The following CCDC175 variants were observed in gnomAD, a reference collection of about 807,000 sequenced individuals.
CCDC175 encodes coiled-coil domain containing 175.
In CCDC175, 100 loss-of-function variants were observed where a neutral mutation model predicts 114.6. That is an observed-to-expected ratio of 0.87 (90% confidence interval 0.74 to 1.03). The LOEUF (loss-of-function observed/expected upper bound fraction) is 1.03. CCDC175 is among the 50% of genes least tolerant of loss of function. CCDC175 has a pLI of 0.00. For synonymous variants in CCDC175, 306 were observed against 308.7 expected, an observed-to-expected ratio of 0.99 and a Z score of 0.09; for missense variants, 880 against 917.8, an observed-to-expected ratio of 0.96 and a Z score of 0.53.
intron 17 of CCDC175, among the ~76,000 whole-genome samples, chr14:59,513,040 T>C (rs1892842643): frequency 6.6e-6 from 1 of 152,206 alleles, no homozygotes; most frequent in South Asian, 2.1e-4. Context: ...CACATAAAAT[T>C]GATTTTTGAA....
At position 59,510,737 on chromosome 14, in the gene CCDC175, A is replaced by G. The variant is rs1892691336; in HGVS notation, c.2214T>C (p.Asp738=). Residue 738 remains aspartate, a synonymous_variant, in exon 19 of 20, where the codon GAT becomes GAC. Coordinates refer to ENST00000537690, the MANE Select transcript of CCDC175 (RefSeq NM_001164399.2). The part of the protein sequence containing the change: ...NNLTDKLRER[D]EKMQHVSTWL... ...ATGTACTGACATGCTGCATTTTTTC[A>G]TCTCTTTCACGCAGCTTGTCTGTTA... 6 of 1,537,148 alleles carry G rather than the reference A, an allele frequency of 3.9e-6. No individual in the cohort carries two copies. The highest frequency in any genetic ancestry group is 1.2e-5 in the South Asian group (1 of 84,058).
In CCDC175 at chr14:59,538,058, CT is replaced by C. The variant is rs1894519035; in HGVS notation, c.1587del (p.Glu530LysfsTer4). ...CTTAACTCTTTCATTAACATTTTTTCTTTGTTAACAAATGCTTTCTCCTCTT... is the reference window on the plus strand; with the variant it reads ...CTTAACTCTTTCATTAACATTTTTTCTTGTTAACAAATGCTTTCTCCTCTT... Reference protein sequence around the residue: ...LKEEEKAFVNKEKMLMKELSK... With the variant: ...LKEEEKAFVNXEKMLMKELSK... On this transcript the variant is annotated frameshift_variant, in exon 13 of 20. Transcript: ENST00000537690. LOFTEE classifies it high-confidence loss of function. 6.5e-7 allele frequency: 1 copy of C among 1,529,156 alleles called. No individual in the cohort carries two copies. Among genetic ancestry groups the C allele is most frequent in the African/African-American group, 1.4e-5 (1 of 72,734 alleles). The allele number at this position is 1,529,156 out of a possible 1,614,324, so 94.7% of individuals were successfully genotyped here. A position where few individuals can be genotyped will look rare whatever the true frequency, so the allele number is the denominator to read the frequency against.
Position 59,576,794 on chromosome 14 carries a change from C to A in CCDC175, c.-19G>T, listed in dbSNP as rs1382161418. On this transcript the variant is annotated 5_prime_UTR_variant, in exon 1 of 20. Transcript: ENST00000537690. ...GGGCCATTTTGCCGCTCTACTTGAG[C>A]GCCTCCTAAGCCAGAGCCAAGGATT... 1.4e-6 allele frequency: 2 copies of A among 1,426,920 alleles called. No individual in the cohort carries two copies. The highest frequency in any genetic ancestry group is 1.8e-6 in the Non-Finnish European group (2 of 1,101,260). 88.4% of individuals were successfully genotyped at this position (1,426,920 alleles called of 1,614,324 possible).
At chr14:59,518,575 C>G (rs1013666564) in intron 17 of CCDC175, among the ~76,000 whole-genome samples, 2 of 152,248 alleles carry the variant, frequency 1.3e-5, no homozygotes, top group African/African-American at 4.8e-5. Flanking sequence ...AAATGCTCAT[C>G]ATCACTGGAC....
rs1894505830 is a variant in CCDC175, at chr14:59,537,907, C to CGT, written c.1623+115_1623+116insAC. 3 of 661,796 alleles carry CGT rather than the reference C, an allele frequency of 4.5e-6. No individual in the cohort carries two copies. The African/African-American group carries it at 5.6e-5, about 12-fold the overall frequency. The allele number at this position is 661,796 out of a possible 1,614,324, so 41.0% of individuals were successfully genotyped here. On this transcript the variant is annotated intron_variant, in intron 13 of 19. Transcript: ENST00000537690. ...AAGATCCAGAATGAAATTGTAGCCT[C>CGT]TTTCATACTAGAATATTTATTTTAC...
At chr14:59,517,557 A>T (rs1310998916) in intron 17 of CCDC175, among the ~76,000 whole-genome samples, 2 of 152,158 alleles carry the variant, frequency 1.3e-5, no homozygotes, top group South Asian at 4.1e-4. Context: ...TCGTGAGTGA[A>T]CTCCCATTCA....
In CCDC175 at chr14:59,522,337, T is replaced by C. The variant is rs567247099; in HGVS notation, c.1996-661A>G. On this transcript the variant is annotated intron_variant, in intron 16 of 19. Coordinates refer to ENST00000537690, the MANE Select transcript of CCDC175 (RefSeq NM_001164399.2). ...TTGAAATTGTGTTCAGTGCTACAGA[T>C]GAGGTAGACATGGGACTGTTACGTA... Among the ~76,000 whole-genome samples, 37 of 152,312 alleles carry C rather than the reference T, an allele frequency of 2.4e-4. 1 individual carries two copies. Among genetic ancestry groups the C allele is most frequent in the Middle Eastern group, 6.8e-3 (2 of 294 alleles).
chr14:59,553,427 CA>C (rs1047504080), intron 7 of CCDC175, among the ~76,000 whole-genome samples: 1 of 152,176 alleles, frequency 6.6e-6, no homozygotes, highest in African/African-American at 2.4e-5. Flanking sequence ...GAGATTTTGT[CA>C]CCACCAGGCC....
intron 8 of CCDC175, among the ~76,000 whole-genome samples, chr14:59,546,956 T>C (rs1252551061): frequency 6.6e-6 from 1 of 152,116 alleles, no homozygotes; most frequent in Non-Finnish European, 1.5e-5. Context: ...AAATCTACTA[T>C]AGGCCAGGTG....
chr14:59,525,388 T>A lies in CCDC175; in HGVS notation c.1889A>T (p.Lys630Ile), dbSNP rs1893683171. The A allele has an allele frequency of 6.6e-7, 1 of 1,521,686 alleles. No homozygotes were observed. 94.3% of individuals were successfully genotyped at this position (1,521,686 alleles called of 1,614,324 possible). A position where few individuals can be genotyped will look rare whatever the true frequency, so the allele number is the denominator to read the frequency against. Residue 630 changes from lysine to isoleucine, a missense_variant, in exon 16 of 20, where the codon AAA (lysine) becomes ATA (isoleucine). Lys to Ile is a moderately radical substitution (Grantham distance 102, BLOSUM62 -3). Coordinates refer to ENST00000537690, the MANE Select transcript of CCDC175 (RefSeq NM_001164399.2). The stretch of plus-strand genomic sequence containing the variant: ...AGTTTCAAAATGATCTTTGTTTTTT[T>A]TGCTTTCTTGATCTCGTAATTGTTG... ...ELQQLRDQES[K>I]KNKDHFETLK...
chr14:59,528,664 T>C (rs887411005), intron 14 of CCDC175, among the ~76,000 whole-genome samples: 1 of 152,162 alleles, frequency 6.6e-6, no homozygotes, highest in Non-Finnish European at 1.5e-5. Flanking sequence ...GTAAGCATTA[T>C]TCACTGATTT....
intron 7 of CCDC175, among the ~76,000 whole-genome samples, chr14:59,552,492 G>C (rs1218565227): frequency 6.6e-6 from 1 of 152,032 alleles, no homozygotes; most frequent in Non-Finnish European, 1.5e-5. Context: ...ATAGACCAAA[G>C]GTAGATAAAA....
At position 59,511,818 on chromosome 14, in the gene CCDC175, TA is replaced by T; in HGVS notation, c.2099-16del. ...CTTATATTGTGCTAAAATAAAGATT[TA>T]AAAAATACAATGGTTACTGACACAA... On this transcript the variant is annotated splice_polypyrimidine_tract_variant and intron_variant, in intron 17 of 19. Transcript: ENST00000537690. 1 of 1,511,004 alleles carries T rather than the reference TA, an allele frequency of 6.6e-7. No homozygotes were observed. Among genetic ancestry groups the T allele is most frequent in the Non-Finnish European group, 8.9e-7 (1 of 1,123,578 alleles). The allele number at this position is 1,511,004 out of a possible 1,614,324, so 93.6% of individuals were successfully genotyped here.
At position 59,559,378 on chromosome 14, in the gene CCDC175, T is replaced by C. The variant is rs144200875; in HGVS notation, c.953+1741A>G. Among the ~76,000 whole-genome samples, 8 of 152,276 alleles carry C rather than the reference T, an allele frequency of 5.3e-5. No homozygotes were observed. In the East Asian group the frequency reaches 1.3e-3, roughly 26 times the overall value. On this transcript the variant is annotated intron_variant, in intron 7 of 19. Transcript: ENST00000537690. ...TGCCTCCTGTCGATCTATGGAGCAT[T>C]TGAGTTACTCTTATTTGTCCAAACG...
chr14:59,543,289 A>T, intron 10 of CCDC175, 55 bp downstream of exon 10: 1 of 634,134 alleles, frequency 1.6e-6, no homozygotes, highest in Non-Finnish European at 2.6e-6. Flanking sequence ...ATCATTTATT[A>T]AAAAATAAAT....
chr14:59,510,481 A>C (rs1892677015), intron 19 of CCDC175, 165 bp downstream of exon 19: 1 of 706,932 alleles, frequency 1.4e-6, no homozygotes, highest in Non-Finnish European at 2.5e-6. Flanking sequence ...ACACTACAAG[A>C]GTATTCAACC....
intron 14 of CCDC175, among the ~76,000 whole-genome samples, chr14:59,527,595 C>T (rs1421533151): frequency 6.6e-6 from 1 of 152,078 alleles, no homozygotes; most frequent in African/African-American, 2.4e-5. Context: ...CCCGATGAGC[C>T]AAATGGTATA....
At chr14:59,567,757 C>A (rs889751776) in intron 4 of CCDC175, among the ~76,000 whole-genome samples, 1 of 152,160 alleles carries the variant, frequency 6.6e-6, no homozygotes, top group Non-Finnish European at 1.5e-5. Flanking sequence ...GAACCAGCCT[C>A]ATCCTCAGTC....
At chr14:59,570,256 AG>A (rs1896771130) in intron 3 of CCDC175, among the ~76,000 whole-genome samples, 1 of 152,136 alleles carries the variant, frequency 6.6e-6, no homozygotes, top group Non-Finnish European at 1.5e-5. Flanking sequence ...ACACACTGCA[AG>A]AGTCAGCCAA....
Sources: gnomAD v4.1 joint callset for allele counts (sites outside exome capture counted in the v4.1 genomes callset) on GRCh38, gnomAD v4.1.1 for gene constraint, MANE v1.5 for transcripts, NCBI Gene and HGNC (gene_info 2026-07-23, HGNC 2026-07-21) for gene names.